CATSPERB: variants seen among roughly 807,000 people sequenced by gnomAD.
CATSPERB encodes cation channel sperm-associated auxiliary subunit beta.
In CATSPERB, 93 loss-of-function variants were observed where a neutral mutation model predicts 128.3. The observed-to-expected ratio is 0.72, with a 90% CI of 0.61 to 0.86. CATSPERB has a LOEUF of 0.86. Ranked by LOEUF, CATSPERB falls within the 40% of genes least tolerant of loss-of-function variation. CATSPERB has a pLI of 0.00. For missense variants in CATSPERB, 1,153 were observed against 1,329.5 expected (o/e 0.87, Z 2.06); for synonymous variants, 381 against 448.8 (o/e 0.85, Z 1.91).
chr14:91,719,850 G>A (rs1233099927), intron 4 of CATSPERB, among the ~76,000 whole-genome samples: 3 of 152,164 alleles, frequency 2.0e-5, no homozygotes, highest in Non-Finnish European at 4.4e-5. Context: ...GGGATATTAA[G>A]AGGAAAATTC....
At chr14:91,708,532 C>A (rs1895775654) in intron 5 of CATSPERB, among the ~76,000 whole-genome samples, 2 of 152,158 alleles carry the variant, frequency 1.3e-5, no homozygotes, top group South Asian at 4.1e-4. Flanking sequence ...TGTGACTCTT[C>A]TTGTGAAGCA....
chr14:91,596,306 C>T (rs1009953241), intron 22 of CATSPERB, among the ~76,000 whole-genome samples: 3 of 152,102 alleles, frequency 2.0e-5, no homozygotes, highest in Non-Finnish European at 2.9e-5. Flanking sequence ...CGGGTTCACG[C>T]CATTCTCCTT....
intron 6 of CATSPERB, among the ~76,000 whole-genome samples, chr14:91,707,066 T>G (rs916740168): frequency 6.6e-6 from 1 of 152,260 alleles, no homozygotes; most frequent in Non-Finnish European, 1.5e-5. Flanking sequence ...ATTAGTTCTC[T>G]GCTTAAAATA....
chr14:91,709,397 AG>A (rs1282584136), intron 5 of CATSPERB: 1 of 151,670 alleles, frequency 6.6e-6, no homozygotes, highest in Non-Finnish European at 1.5e-5. Context: ...TAGAAAAATA[AG>A]GGCCAGGCAT....
chr14:91,600,857 C>T (rs1893597724), intron 22 of CATSPERB, among the ~76,000 whole-genome samples: 1 of 152,206 alleles, frequency 6.6e-6, no homozygotes, highest in Non-Finnish European at 1.5e-5. Context: ...ATCTTCAAGA[C>T]TAAAATGGTC....
At position 91,621,827 on chromosome 14, in the gene CATSPERB, C is replaced by T. The variant is rs759194190; in HGVS notation, c.2041G>A (p.Ala681Thr). ...ILDNKNALAI[A>T]TMPESAPNNM... ...TTGGGTGCACTTTCAGGCATGGTAG[C>T]AATGGCTAATGCATTCTTATTATCT... The change falls in exon 19 of 27, where the codon GCT becomes ACT. Residue 681 changes from alanine to threonine, a missense_variant. Physicochemically the swap from Ala to Thr is moderately conservative, Grantham distance 58. Coordinates refer to ENST00000256343, the MANE Select transcript of CATSPERB (RefSeq NM_024764.4). 1.1e-5 allele frequency: 18 copies of T among 1,614,010 alleles called. No homozygotes were observed. Among genetic ancestry groups the T allele is most frequent in the Middle Eastern group, 3.3e-4 (2 of 6,084 alleles).
intron 22 of CATSPERB, among the ~76,000 whole-genome samples, chr14:91,595,355 G>T (rs558885432): frequency 6.6e-6 from 1 of 151,684 alleles, no homozygotes; most frequent in South Asian, 2.1e-4. Flanking sequence ...TTTTAGTAGA[G>T]ATGGGGTTTT....
chr14:91,685,214 A>T (rs751906932), intron 10 of CATSPERB, among the ~76,000 whole-genome samples: 2 of 152,222 alleles, frequency 1.3e-5, no homozygotes, highest in African/African-American at 2.4e-5. Context: ...GGCATGAGCC[A>T]CTATGACTGG....
chr14:91,624,458 T>G (rs1894114766), intron 18 of CATSPERB, among the ~76,000 whole-genome samples: 1 of 152,144 alleles, frequency 6.6e-6, no homozygotes, highest in Admixed American at 6.5e-5. Flanking sequence ...CGCTCCAGGC[T>G]GGGTGACAGT....
chr14:91,671,791 G>A (rs1895093626), intron 13 of CATSPERB, among the ~76,000 whole-genome samples: 1 of 151,874 alleles, frequency 6.6e-6, no homozygotes, highest in Admixed American at 6.6e-5. Flanking sequence ...CAGCACTTTG[G>A]GAGGCCGAGG....
chr14:91,636,714 A>G (rs994878339), intron 16 of CATSPERB, 135 bp from the exon 17 acceptor site: 2 of 776,398 alleles, frequency 2.6e-6, no homozygotes, highest in Non-Finnish European at 4.0e-6. Context: ...AAATAAGTCA[A>G]CGTGTTCTGT....
At chr14:91,583,350 C>T (rs1314052555) in intron 26 of CATSPERB, among the ~76,000 whole-genome samples, 1 of 151,824 alleles carries the variant, frequency 6.6e-6, no homozygotes, top group Non-Finnish European at 1.5e-5. Flanking sequence ...ACCCGGGAGG[C>T]GGAACTTGCA....
chr14:91,636,917 A>T (rs577509221), intron 16 of CATSPERB, among the ~76,000 whole-genome samples: 51 of 152,238 alleles, frequency 3.4e-4, no homozygotes, highest in Non-Finnish European at 6.2e-4. Context: ...CTGGGTTCTT[A>T]TTTGAAGTTT....
intron 22 of CATSPERB, among the ~76,000 whole-genome samples, chr14:91,593,563 C>A (rs1162358322): frequency 6.6e-6 from 1 of 152,206 alleles, no homozygotes; most frequent in Non-Finnish European, 1.5e-5. Context: ...GCAAATTTCT[C>A]CCATTTGGAA....
chr14:91,605,004 G>A, intron 22 of CATSPERB: 1 of 1,157,452 alleles, frequency 8.6e-7, no homozygotes, highest in South Asian at 1.2e-5. Flanking sequence ...ACAAACAGCT[G>A]TGTGGAAGAG....
intron 17 of CATSPERB, among the ~76,000 whole-genome samples, chr14:91,633,399 T>C (rs1894311704): frequency 6.6e-6 from 1 of 151,866 alleles, no homozygotes; most frequent in Non-Finnish European, 1.5e-5. Flanking sequence ...AATATTCCAG[T>C]CTTAAACTCT....
At chr14:91,661,548 T>TATATATATATATATATATATA (rs1566722229) in intron 14 of CATSPERB, among the ~76,000 whole-genome samples, 26 of 146,836 alleles carry the variant, frequency 1.8e-4, no homozygotes, top group African/African-American at 5.9e-4. Flanking sequence ...TATATATATA[T>TATATATATATATATATATATA]TTAAGACAGG....
At chr14:91,683,282 A>C (rs1018645891) in intron 11 of CATSPERB, among the ~76,000 whole-genome samples, 2 of 152,150 alleles carry the variant, frequency 1.3e-5, no homozygotes, top group African/African-American at 4.8e-5. Flanking sequence ...CCATTCTGGT[A>C]CCTCCTAACT....
At chr14:91,605,428 A>G (rs1893682991) in intron 22 of CATSPERB, 2 of 500,534 alleles carry the variant, frequency 4.0e-6, no homozygotes, top group East Asian at 3.2e-5. Context: ...TGACCTCCAG[A>G]AGCGAAAGTA....
Sources: gnomAD v4.1 joint callset for allele counts (sites outside exome capture counted in the v4.1 genomes callset) on GRCh38, gnomAD v4.1.1 for gene constraint, MANE v1.5 for transcripts, NCBI Gene and HGNC (gene_info 2026-07-23, HGNC 2026-07-21) for gene names.